MGAT4B: variants seen among roughly 807,000 people sequenced by gnomAD.
MGAT4B encodes alpha-1,3-mannosyl-glycoprotein 4-beta-N-acetylglucosaminyltransferase B, also known as N-acetylglucosaminyltransferase IVb.
A neutral mutation model predicts 73.9 loss-of-function variants in MGAT4B; 38 were observed. The ratio of observed to expected loss-of-function variants is 0.51; its 90% CI spans 0.40 to 0.67. The LOEUF (loss-of-function observed/expected upper bound fraction) is 0.67, where lower values mean the gene tolerates loss of function less well. Ranked by LOEUF, MGAT4B falls within the 30% of genes least tolerant of loss-of-function variation. MGAT4B has a pLI of 0.00. For missense variants in MGAT4B, 686 were observed against 735.2 expected (o/e 0.93, Z 0.77); for synonymous variants, 373 against 313.5 (o/e 1.19, Z -2.01).
Position 179,800,942 on chromosome 5 carries a change from CTG to C in MGAT4B, c.568_569del (p.Gln190ValfsTer34), listed in dbSNP as rs1216192734. The part of the protein sequence containing the change: ...IVVLIAETDS[Q>X]YTSAVTENIK... Reference sequence around the variant, plus strand: ...TGTTCTCTGTCACTGCCGAAGTGTACTGTGAGTCAGTCTGTGGGGAGACCAAG... The same window carrying C: ...TGTTCTCTGTCACTGCCGAAGTGTACTGAGTCAGTCTGTGGGGAGACCAAG... On this transcript the variant is annotated frameshift_variant, in exon 5 of 15. Transcript: ENST00000292591. LOFTEE classifies it high-confidence loss of function. The C allele has an allele frequency of 6.2e-7, 1 of 1,613,824 alleles. No individual in the cohort carries two copies. Among genetic ancestry groups the C allele is most frequent in the Non-Finnish European group, 8.5e-7 (1 of 1,179,978 alleles).
chr5:179,805,123 T>G (rs1477956623), intron 1 of MGAT4B: 1 of 152,266 alleles, frequency 6.6e-6, no homozygotes, highest in Non-Finnish European at 1.5e-5. Context: ...CCTGGCTCCC[T>G]GTGGTAAGCC....
chr5:179,800,465 A>T lies in MGAT4B; in HGVS notation c.719+19T>A, dbSNP rs1199209289. On this transcript the variant is annotated intron_variant, in intron 6 of 14. Transcript: ENST00000292591. ...CACAGGCAGGCGGGTTGCTGAGGGTATGGGGGAGTAACTAGTACCTGACTC... is the reference window on the plus strand; with the variant it reads ...CACAGGCAGGCGGGTTGCTGAGGGTTTGGGGGAGTAACTAGTACCTGACTC... The T allele has an allele frequency of 1.3e-6, 2 of 1,529,646 alleles. No homozygotes were observed. The highest frequency in any genetic ancestry group is 2.3e-5 in the South Asian group (2 of 87,898). The allele number at this position is 1,529,646 out of a possible 1,614,324, so 94.8% of individuals were successfully genotyped here.
At chr5:179,803,379 C>T (rs1757025602) in intron 1 of MGAT4B, 1 of 595,810 alleles carries the variant, frequency 1.7e-6, no homozygotes, top group Non-Finnish European at 2.1e-6. Flanking sequence ...AACCTAACCC[C>T]TTGAATGCAG....
Position 179,799,576 on chromosome 5 carries a change from C to G in MGAT4B, c.971G>C (p.Arg324Pro). 6.2e-7 allele frequency: 1 copy of G among 1,613,980 alleles called. No homozygotes were observed. The highest frequency in any genetic ancestry group is 8.5e-7 in the Non-Finnish European group (1 of 1,180,026). Reference protein sequence around the residue: ...LIVEFILMFYRDKPIDWLLDH... With the variant: ...LIVEFILMFYPDKPIDWLLDH... ...CAGGAGCCAGTCGATGGGCTTGTCC[C>G]GGTAGAACATGAGAATGAACTCTAC... is the stretch of plus-strand genomic sequence containing the variant. The change falls in exon 9 of 15, where the codon CGG (arginine) becomes CCG (proline). Residue 324 changes from arginine to proline, a missense_variant. Physicochemically the swap from Arg to Pro is moderately radical, Grantham distance 103. This residue lies in a region of MGAT4B where 449 missense variants were observed against 536.8 expected (regional missense o/e 0.84). Coordinates refer to ENST00000292591, the MANE Select transcript of MGAT4B (RefSeq NM_014275.5).
At chr5:179,799,432 C>T in intron 9 of MGAT4B, 74 bp downstream of exon 9, 1 of 1,609,758 alleles carries the variant, frequency 6.2e-7, no homozygotes, top group Non-Finnish European at 8.5e-7. Flanking sequence ...GATGCAAGGA[C>T]AGGGACACAG....
rs1381451708 is a variant in MGAT4B at position 179,798,212 on chromosome 5, G to A, written c.1576C>T (p.Arg526Cys). Residue 526 changes from arginine (R) to cysteine (C), a missense_variant, in exon 14 of 15, where the codon CGC becomes TGC. This residue lies in a region of MGAT4B where 449 missense variants were observed against 536.8 expected (regional missense o/e 0.84). Transcript: ENST00000292591. ...DPAFGPLEAL[R>C]LSIQTDSPVW... ...GGGGAGTCCGTCTGGATCGAGAGGCGCAGTGCTTCCAGAGGGCCGAAGGCT... is the reference window on the plus strand; with the variant it reads ...GGGGAGTCCGTCTGGATCGAGAGGCACAGTGCTTCCAGAGGGCCGAAGGCT... 8 of 1,603,056 alleles carry A rather than the reference G, an allele frequency of 5.0e-6. No individual in the cohort carries two copies. Among genetic ancestry groups the A allele is most frequent in the East Asian group, 2.2e-5 (1 of 44,490 alleles).
chr5:179,800,666 G>C, intron 5 of MGAT4B, 69 bp from the exon 6 acceptor site: 1 of 1,237,386 alleles, frequency 8.1e-7, no homozygotes, highest in South Asian at 1.3e-5. Context: ...CCACCAGACT[G>C]TGGCCCTTTC....
chr5:179,798,898 C>T (rs1168743080), intron 11 of MGAT4B, 30 bp downstream of exon 11: 3 of 1,612,324 alleles, frequency 1.9e-6, no homozygotes, highest in East Asian at 2.2e-5. Context: ...AGCCCCGCCC[C>T]CATCGCAGAC....
rs1756704144 is a variant in MGAT4B, at chr5:179,797,703, C to T, written c.*342G>A. 2 of 251,942 alleles carry T rather than the reference C, an allele frequency of 7.9e-6. No homozygotes were observed. The highest frequency in any genetic ancestry group is 8.7e-5 in the East Asian group (1 of 11,476). 15.6% of individuals were successfully genotyped at this position (251,942 alleles called of 1,614,324 possible). A position where few individuals can be genotyped will look rare whatever the true frequency, so the allele number is the denominator to read the frequency against. ...ATGTATCCAAGAATAAAAAACACAG[C>T]ACATAAAGTAGTATATGCATTCCAG... On this transcript the variant is annotated 3_prime_UTR_variant, in exon 15 of 15. Coordinates refer to ENST00000292591, the MANE Select transcript of MGAT4B (RefSeq NM_014275.5).
chr5:179,802,401 ACT>A (rs1192332582), intron 1 of MGAT4B: 1 of 1,210,036 alleles, frequency 8.3e-7, no homozygotes, highest in Non-Finnish European at 1.0e-6. Flanking sequence ...CTAGCTCTTC[ACT>A]GTCCTTGTAG....
chr5:179,805,846 C>T (rs1757128495), intron 1 of MGAT4B, among the ~76,000 whole-genome samples: 1 of 152,080 alleles, frequency 6.6e-6, no homozygotes, highest in African/African-American at 2.4e-5. Context: ...GGGATCGGCC[C>T]GCACCCTCCG....
chr5:179,806,649 G>C lies in MGAT4B; in HGVS notation c.-66C>G. 1 of 897,232 alleles carries C rather than the reference G, an allele frequency of 1.1e-6. No individual in the cohort carries two copies. The highest frequency in any genetic ancestry group is 1.4e-6 in the Non-Finnish European group (1 of 733,960). 55.6% of individuals were successfully genotyped at this position (897,232 alleles called of 1,614,324 possible). Reference sequence around the variant, plus strand: ...CATGGCCCGGGGGACCGGGGCCGGGGCGCAGGGGTCGGAAGGCGGCGGCGG... The same window carrying C: ...CATGGCCCGGGGGACCGGGGCCGGGCCGCAGGGGTCGGAAGGCGGCGGCGG... On this transcript the variant is annotated 5_prime_UTR_variant, in exon 1 of 15. Transcript: ENST00000292591. The surrounding 1 kb of genome is among the most constrained non-coding windows in gnomAD (Gnocchi z 4.6).
At position 179,801,568 on chromosome 5, in the gene MGAT4B, T is replaced by C. The variant is rs910107766; in HGVS notation, c.410A>G (p.Gln137Arg). The change falls in exon 3 of 15, where the codon CAG becomes CGG. Residue 137 changes from glutamine (Q) to arginine (R), a missense_variant. Around this residue, in one of 2 missense-constraint regions of MGAT4B, gnomAD observed 237 missense variants for 198.5 expected, o/e 1.19. Transcript: ENST00000292591. The surrounding 1 kb of genome is among the most constrained non-coding windows in gnomAD (Gnocchi z 4.8). ...TGCGCCCATACCTCCGGTGCGGCCC[T>C]GGCCCACGCGCACCGCGGGCTGCAG... ...SSLQPAVRVG[Q>R]GRTGVSVVMG... is the part of the protein sequence containing the mutation. The C allele has an allele frequency of 3.7e-6, 6 of 1,608,632 alleles. No individual in the cohort carries two copies. Among genetic ancestry groups the C allele is most frequent in the South Asian group, 1.1e-5 (1 of 90,456 alleles).
At position 179,806,470 on chromosome 5, in the gene MGAT4B, G is replaced by A; in HGVS notation, c.97+17C>T. ...CCCAGGTGCGCCAGGTGCGGGCCGG[G>A]CGGGGGTCGCGCTCACCTTTCTGGC... On this transcript the variant is annotated intron_variant, in intron 1 of 14. Transcript: ENST00000292591. This position sits in a 1 kb window ranked among gnomAD's most constrained non-coding sequence, Gnocchi z 4.6. 1 of 1,266,794 alleles carries A rather than the reference G, an allele frequency of 7.9e-7. No homozygotes were observed. The highest frequency in any genetic ancestry group is 1.7e-5 in the South Asian group (1 of 57,684). 78.5% of individuals were successfully genotyped at this position (1,266,794 alleles called of 1,614,324 possible). A position where few individuals can be genotyped will look rare whatever the true frequency, so the allele number is the denominator to read the frequency against.
rs1183760210 is a variant in MGAT4B, at chr5:179,805,980, C to A, written c.97+507G>T. Reference sequence around the variant, plus strand: ...GGGGCCGGGCTGCCTCAGGACGCCTCCCTCCCTCCCTCCCTCCCTCCCACA... The same window carrying A: ...GGGGCCGGGCTGCCTCAGGACGCCTACCTCCCTCCCTCCCTCCCTCCCACA... On this transcript the variant is annotated intron_variant, in intron 1 of 14. Transcript: ENST00000292591. 2.4e-3 allele frequency among the ~76,000 whole-genome samples: 25 copies of A among 10,512 alleles called. No homozygotes were observed. In the South Asian group the frequency reaches 0.076, roughly 32 times the overall value. 6.9% of individuals were successfully genotyped at this position (10,512 alleles called of 152,430 possible).
At chr5:179,803,108 C>T (rs778961019) in intron 1 of MGAT4B, 105 of 985,510 alleles carry the variant, frequency 1.1e-4, no homozygotes, top group Admixed American at 1.2e-4. Flanking sequence ...GGCAGGAGGT[C>T]GAAGTGCCAA....
intron 9 of MGAT4B, 57 bp downstream of exon 9, chr5:179,799,449 G>A (rs768870850): frequency 9.3e-6 from 15 of 1,611,418 alleles, no homozygotes; most frequent in Non-Finnish European, 1.2e-5. Flanking sequence ...ACAGTTTGGG[G>A]TGGAGGCTGC....
chr5:179,798,867 C>T lies in MGAT4B; in HGVS notation c.1343+61G>A. 2.5e-6 allele frequency: 4 copies of T among 1,582,418 alleles called. No homozygotes were observed. In the South Asian group the frequency reaches 3.3e-5, roughly 13 times the overall value. ...ACGTGAGGATAACTTGCCGGTGAAG[C>T]CTACACCCTGGGGGCCACCCAGCCC... On this transcript the variant is annotated intron_variant, in intron 11 of 14. Transcript: ENST00000292591.
At chr5:179,802,785 C>T (rs1319272144) in intron 1 of MGAT4B, 2 of 985,466 alleles carry the variant, frequency 2.0e-6, no homozygotes, top group Non-Finnish European at 2.4e-6. Context: ...GACCAGTGAG[C>T]AAGAATGAGA....
Sources: allele counts gnomAD v4.1 joint callset (sites outside exome capture counted in the v4.1 genomes callset), GRCh38; gene constraint gnomAD v4.1.1; regional missense constraint gnomAD v4.1.1; non-coding constraint Gnocchi (gnomAD v3.1); transcripts MANE v1.5; gene names NCBI Gene and HGNC (gene_info 2026-07-23, HGNC 2026-07-21).